CLDN2: variants seen among roughly 807,000 people sequenced by gnomAD.
CLDN2 encodes claudin-2.
A neutral mutation model predicts 8.2 loss-of-function variants in CLDN2; 1 was observed. That is an observed-to-expected ratio of 0.12 (90% CI 0.04 to 0.58). The LOEUF is 0.58. CLDN2 is among the 20% of genes least tolerant of loss of function. The pLI is 0.90. For synonymous variants in CLDN2, 70 were observed against 70.2 expected, an observed-to-expected ratio of 1.00 and a Z score of 0.01; for missense variants, 108 against 172.9, an observed-to-expected ratio of 0.62 and a Z score of 2.11.
intron 1 of CLDN2, chrX:106,901,591 C>G (rs893939105): frequency 8.8e-7 from 1 of 1,130,814 alleles, no homozygotes; most frequent in African/African-American, 1.8e-5. Context: ...TAGATAACTT[C>G]CTCCTCTGTA....
At chrX:106,924,321 G>A (rs1040604764) in intron 1 of CLDN2, among the ~76,000 whole-genome samples, 1 of 110,832 alleles carries the variant, frequency 9.0e-6, no homozygotes, top group African/African-American at 3.3e-5. Context: ...AGTAGTAAAT[G>A]TTTGAAGCAG....
intron 1 of CLDN2, among the ~76,000 whole-genome samples, chrX:106,906,367 C>T (rs981241458): frequency 9.0e-6 from 1 of 111,014 alleles, no homozygotes; most frequent in South Asian, 3.9e-4. Context: ...GAGACAAGAC[C>T]CGCAGAGAGA....
chrX:106,914,980 C>T (rs1420691432), upstream of CLDN2, among the ~76,000 whole-genome samples: 26 of 111,225 alleles, frequency 2.3e-4, no homozygotes, highest in Non-Finnish European at 1.9e-5. Flanking sequence ...GTTTCAACAC[C>T]CCAAATAATT....
At chrX:106,927,777 A>G (rs1444549183) in intron 1 of CLDN2, among the ~76,000 whole-genome samples, 1 of 112,144 alleles carries the variant, frequency 8.9e-6, no homozygotes. Context: ...GGAGACTAGC[A>G]CTTGAGTTAA....
chrX:106,928,842 C>T lies in CLDN2; in HGVS notation c.614C>T (p.Thr205Ile). ...GCCTACCAAGCCCAACCTCTTGCCA[C>T]AAGGAGCTCTCCAAGGCCTGGTCAA... The part of the protein sequence containing the change: ...YDAYQAQPLA[T>I]RSSPRPGQPP... The change falls in exon 2 of 2, where the codon ACA (threonine) becomes ATA (isoleucine). Residue 205 changes from threonine to isoleucine, a missense_variant. By Grantham distance (89) the Thr-to-Ile change is moderately conservative. Coordinates refer to ENST00000336803, the MANE Select transcript of CLDN2 (RefSeq NM_020384.4). The T allele has an allele frequency of 8.3e-7, 1 of 1,211,750 alleles. No homozygotes were observed. The highest frequency in any genetic ancestry group is 1.1e-6 in the Non-Finnish European group (1 of 895,478).
At chrX:106,917,011 C>T (rs1456607057), upstream of CLDN2, among the ~76,000 whole-genome samples, 1 of 112,402 alleles carries the variant, frequency 8.9e-6, no homozygotes, top group East Asian at 2.8e-4. Context: ...GATCATGCCA[C>T]TTGCATTCCA....
At chrX:106,907,123 C>A (rs566791977) in intron 1 of CLDN2, among the ~76,000 whole-genome samples, 29 of 112,026 alleles carry the variant, frequency 2.6e-4, no homozygotes, top group African/African-American at 8.4e-4. Flanking sequence ...AATTTGATCA[C>A]TTCTTTGAAC....
upstream of CLDN2, among the ~76,000 whole-genome samples, chrX:106,918,757 T>C (rs1051144452): frequency 5.4e-5 from 6 of 111,406 alleles, no homozygotes; most frequent in Non-Finnish European, 3.8e-5. Flanking sequence ...TGGGAGGGAG[T>C]TGGTGTTGTA....
At chrX:106,902,526 T>C (rs1933118425) in intron 1 of CLDN2, among the ~76,000 whole-genome samples, 1 of 111,987 alleles carries the variant, frequency 8.9e-6, no homozygotes, top group Admixed American at 9.4e-5. Context: ...GCTGTTTCAG[T>C]AAATGTTTGT....
At chrX:106,924,786 T>G (rs894438610) in intron 1 of CLDN2, among the ~76,000 whole-genome samples, 16 of 102,855 alleles carry the variant, frequency 1.6e-4, no homozygotes, top group African/African-American at 5.7e-4. Context: ...CTCTCCCCCC[T>G]TACCTCTTTC....
At chrX:106,914,777 T>G (rs1216661952), upstream of CLDN2, among the ~76,000 whole-genome samples, 3 of 111,817 alleles carry the variant, frequency 2.7e-5, no homozygotes, top group Non-Finnish European at 5.6e-5. Context: ...CCTTTGGAGG[T>G]TAGACAAATA....
chrX:106,900,860 C>T (rs773181899), intron 1 of CLDN2: 1 of 1,211,456 alleles, frequency 8.3e-7, no homozygotes, highest in Non-Finnish European at 1.1e-6. Flanking sequence ...GTAAAATCTC[C>T]CCAGCACTGT....
intron 1 of CLDN2, among the ~76,000 whole-genome samples, chrX:106,910,429 G>A (rs747165856): frequency 1.2e-4 from 13 of 110,727 alleles, no homozygotes; most frequent in Non-Finnish European, 2.5e-4. Context: ...GAGACTGGGC[G>A]CAGTGGCTCA....
rs1933523254 is a variant in CLDN2, at chrX:106,929,834, TA to T, written c.*915del. 8.1e-6 allele frequency: 1 copy of T among 123,634 alleles called. No homozygotes were observed. The highest frequency in any genetic ancestry group is 3.7e-4 in the South Asian group (1 of 2,702). 10.2% of individuals were successfully genotyped at this position (123,634 alleles called of 1,213,427 possible). ...TGGCCTCTTGCCTAAACCACAAGGC[TA>T]AGGGCTATAGACAATGGTTTCCTTA... On this transcript the variant is annotated 3_prime_UTR_variant, in exon 2 of 2. Transcript: ENST00000336803.
At chrX:106,919,892 A>G (rs1246981999), upstream of CLDN2, among the ~76,000 whole-genome samples, 1 of 112,518 alleles carries the variant, frequency 8.9e-6, no homozygotes, top group African/African-American at 3.2e-5. Context: ...ACCTTGTAGG[A>G]CCTGCTCTTT....
chrX:106,902,058 CAGGGGCTCTCTGGGA>C (rs1300987008), intron 1 of CLDN2: 1 of 823,295 alleles, frequency 1.2e-6, no homozygotes, highest in Non-Finnish European at 1.8e-6. Context: ...GGACTGAGGT[CAGGGGCTCTCTGGGA>C]AGTGACCTGG....
intron 1 of CLDN2, among the ~76,000 whole-genome samples, chrX:106,922,336 ACT>A (rs747592270): frequency 1.3e-4 from 15 of 112,355 alleles, no homozygotes; most frequent in Non-Finnish European, 1.1e-4. Flanking sequence ...GCCAAGTCAG[ACT>A]CTAGAGATTC....
intron 1 of CLDN2, chrX:106,901,561 T>C: frequency 8.3e-7 from 1 of 1,205,290 alleles, no homozygotes. Context: ...AAAGCTAGCA[T>C]GTGGCTCAAA....
chrX:106,913,983 C>T (rs1311076998), upstream of CLDN2, among the ~76,000 whole-genome samples: 2 of 93,824 alleles, frequency 2.1e-5, no homozygotes, highest in Non-Finnish European at 4.1e-5. Context: ...GACAGGGTCT[C>T]GCTCTGTGGC....
Sources: gnomAD v4.1 joint callset for allele counts (sites outside exome capture counted in the v4.1 genomes callset) on GRCh38, gnomAD v4.1.1 for gene constraint, MANE v1.5 for transcripts, NCBI Gene and HGNC (gene_info 2026-07-23, HGNC 2026-07-21) for gene names.